Variants in TES observed in about 807,000 individuals in gnomAD.
The protein encoded by TES is testin LIM domain protein, also known as testin.
A neutral mutation model predicts 48.2 loss-of-function variants in TES; 41 were observed. That is an observed-to-expected ratio of 0.85 (90% CI 0.66 to 1.10). The LOEUF (loss-of-function observed/expected upper bound fraction) is 1.10. Ranked by LOEUF, TES falls within the 50% of genes least tolerant of loss-of-function variation. The pLI is 0.00. For synonymous variants in TES, 162 were observed against 174.9 expected, an observed-to-expected ratio of 0.93 and a Z score of 0.58; for missense variants, 463 against 515.1, an observed-to-expected ratio of 0.90 and a Z score of 0.98.
chr7:116,242,416 A>G (rs1267077561), intron 2 of TES, among the ~76,000 whole-genome samples: 1 of 152,168 alleles, frequency 6.6e-6, no homozygotes, highest in South Asian at 2.1e-4. Context: ...TTATAGCTGA[A>G]CTAGCATATG....
At chr7:116,220,957 A>G (rs1046426552) in intron 1 of TES, among the ~76,000 whole-genome samples, 1 of 152,172 alleles carries the variant, frequency 6.6e-6, no homozygotes, top group African/African-American at 2.4e-5. Context: ...ATCTAGAGGG[A>G]AGAAAATCCT....
intron 2 of TES, among the ~76,000 whole-genome samples, chr7:116,242,179 A>G (rs1226085680): frequency 6.6e-6 from 1 of 152,198 alleles, no homozygotes; most frequent in Non-Finnish European, 1.5e-5. Flanking sequence ...TCACAGCCAT[A>G]TAAGGATCTA....
intron 2 of TES, among the ~76,000 whole-genome samples, chr7:116,244,504 A>C (rs941176386): frequency 8.5e-5 from 13 of 152,314 alleles, no homozygotes; most frequent in African/African-American, 3.1e-4. Flanking sequence ...TAATGCAAAA[A>C]AGGTGGGTTC....
chr7:116,215,586 A>C (rs540080792), intron 1 of TES, among the ~76,000 whole-genome samples: 1 of 152,178 alleles, frequency 6.6e-6, no homozygotes, highest in Non-Finnish European at 1.5e-5. Flanking sequence ...CTTATCTTCT[A>C]AGATTCTCCC....
At chr7:116,220,065 C>A (rs141369956) in intron 1 of TES, among the ~76,000 whole-genome samples, 66 of 152,196 alleles carry the variant, frequency 4.3e-4, no homozygotes, top group African/African-American at 1.6e-3. Context: ...TGGGAAATGG[C>A]AAGTTGCCTA....
At chr7:116,255,245 A>G (rs1174777995) in intron 6 of TES, 1 of 152,194 alleles carries the variant, frequency 6.6e-6, no homozygotes, top group Non-Finnish European at 1.5e-5. Context: ...CCTGTGTACA[A>G]ATAAGAAGAG....
At chr7:116,224,248 T>C (rs1011268861) in intron 1 of TES, among the ~76,000 whole-genome samples, 1 of 152,214 alleles carries the variant, frequency 6.6e-6, no homozygotes, top group African/African-American at 2.4e-5. Flanking sequence ...CTAAGCCACT[T>C]CCAAATTCCT....
At chr7:116,227,513 C>T (rs988778667) in intron 1 of TES, among the ~76,000 whole-genome samples, 3 of 152,068 alleles carry the variant, frequency 2.0e-5, no homozygotes, top group Non-Finnish European at 2.9e-5. Context: ...TGTGTCAGAT[C>T]TTAATAAAAA....
intron 1 of TES, among the ~76,000 whole-genome samples, chr7:116,227,272 G>A (rs926228583): frequency 3.8e-4 from 58 of 151,144 alleles, no homozygotes; most frequent in African/African-American, 1.2e-3. Flanking sequence ...ATCTATCACC[G>A]CGCCCGGCTA....
chr7:116,250,129 TC>T, intron 3 of TES, 31 bp from the exon 4 acceptor site: 1 of 1,489,906 alleles, frequency 6.7e-7, no homozygotes, highest in South Asian at 1.4e-5. Flanking sequence ...TAATGGCCAA[TC>T]CCAGTTAACA....
chr7:116,246,879 T>A (rs1563013186), intron 2 of TES, among the ~76,000 whole-genome samples: 1 of 151,746 alleles, frequency 6.6e-6, no homozygotes, highest in Non-Finnish European at 1.5e-5. Context: ...TGTGTATGTG[T>A]GTGTGTGTGA....
chr7:116,228,010 T>TG (rs1008575512), intron 1 of TES, among the ~76,000 whole-genome samples: 10 of 142,566 alleles, frequency 7.0e-5, no homozygotes, highest in Non-Finnish European at 1.2e-4. Flanking sequence ...TTTTTTTTGT[T>TG]TTTTTTTTTT....
In TES at chr7:116,238,585, C is replaced by CATTATTATTATTATTATTATT. The variant is rs375782060; in HGVS notation, c.113+3976_113+3996dup. 6.4e-3 allele frequency among the ~76,000 whole-genome samples: 826 copies of CATTATTATTATTATTATTATT among 129,350 alleles called. 3 individuals carry two copies. The highest frequency in any genetic ancestry group is 0.013 in the African/African-American group (506 of 38,354). The allele number at this position is 129,350 out of a possible 152,430, so 84.9% of individuals were successfully genotyped here. Reference sequence around the variant, plus strand: ...CAACAACTGTTAACTCAACATCCATCATTATTATTATTATTATTATTATTA... The same window carrying CATTATTATTATTATTATTATT: ...CAACAACTGTTAACTCAACATCCATCATTATTATTATTATTATTATTATTATTATTATTATTATTATTATTA... On this transcript the variant is annotated intron_variant, in intron 2 of 6. Coordinates refer to ENST00000358204, the MANE Select transcript of TES (RefSeq NM_015641.4).
At chr7:116,249,886 ATTTG>A (rs1799978180) in intron 3 of TES, 2 of 291,808 alleles carry the variant, frequency 6.9e-6, no homozygotes, top group African/African-American at 4.3e-5. Flanking sequence ...TCAATTGTAC[ATTTG>A]TTTATTTAGC....
intron 1 of TES, among the ~76,000 whole-genome samples, chr7:116,215,040 C>T (rs962221232): frequency 2.6e-5 from 4 of 152,184 alleles, no homozygotes; most frequent in Admixed American, 6.5e-5. Context: ...AGAGATGAAT[C>T]CATATCCTGT....
chr7:116,228,992 C>CTATAACTATATA (rs1799659341), intron 1 of TES, among the ~76,000 whole-genome samples: 2 of 57,144 alleles, frequency 3.5e-5, no homozygotes, highest in African/African-American at 1.6e-4. Context: ...TCTCTAGTAT[C>CTATAACTATATA]TATAACTATA....
intron 1 of TES, among the ~76,000 whole-genome samples, chr7:116,218,896 C>A (rs142089816): frequency 4.5e-4 from 69 of 151,796 alleles, no homozygotes; most frequent in African/African-American, 1.6e-3. Flanking sequence ...AAATACAGGG[C>A]CAATTAAAAA....
At chr7:116,221,684 T>G (rs1799559466) in intron 1 of TES, among the ~76,000 whole-genome samples, 1 of 152,180 alleles carries the variant, frequency 6.6e-6, no homozygotes. Context: ...CCTCTGTACA[T>G]CTGAAAGAAT....
rs571044822 is a variant in TES at position 116,231,826 on chromosome 7, C to T, written c.28-2708C>T. Among the ~76,000 whole-genome samples the T allele has an allele frequency of 9.3e-4, 142 of 152,200 alleles. 4 individuals are homozygous for T. The highest frequency in any genetic ancestry group is 1.0e-3 in the Non-Finnish European group (68 of 68,012). ...CTAATGCTGGTCAGCTGTGAAGCAGCGCCCACCCACCCCCAGCTCCCCATT... is the reference window on the plus strand; with the variant it reads ...CTAATGCTGGTCAGCTGTGAAGCAGTGCCCACCCACCCCCAGCTCCCCATT... On this transcript the variant is annotated intron_variant, in intron 1 of 6. Coordinates refer to ENST00000358204, the MANE Select transcript of TES (RefSeq NM_015641.4).
Sources: gnomAD v4.1 joint callset for allele counts (sites outside exome capture counted in the v4.1 genomes callset) on GRCh38, gnomAD v4.1.1 for gene constraint, MANE v1.5 for transcripts, NCBI Gene and HGNC (gene_info 2026-07-23, HGNC 2026-07-21) for gene names.